The following SLAMF1 variants were observed in gnomAD, a reference collection of about 807,000 sequenced individuals.
SLAMF1 encodes the protein signaling lymphocytic activation molecule.
A neutral mutation model predicts 35.1 loss-of-function variants in SLAMF1; 18 were observed. The observed-to-expected ratio is 0.51, with a 90% CI of 0.35 to 0.76. SLAMF1 has a LOEUF of 0.76. SLAMF1 is among the 30% of genes least tolerant of loss of function. The probability of loss-of-function intolerance (pLI) is 0.01; values close to 1 mark genes in which losing one functional copy is unlikely to be tolerated. For synonymous variants in SLAMF1, 168 were observed against 157.2 expected (o/e 1.07, Z -0.51); for missense variants, 392 against 413.0 (o/e 0.95, Z 0.44).
chr1:160,634,444 A>G, intron 3 of SLAMF1, 169 bp downstream of exon 3: 6 of 972,314 alleles, frequency 6.2e-6, no homozygotes, highest in Non-Finnish European at 7.3e-6. Context: ...CACCCTGGTC[A>G]ATATGAGAGT....
Position 160,634,864 on chromosome 1 carries a change from T to C in SLAMF1, c.449A>G (p.Asn150Ser). 1 of 1,613,356 alleles carries C rather than the reference T, an allele frequency of 6.2e-7. No individual in the cohort carries two copies. The highest frequency in any genetic ancestry group is 8.5e-7 in the Non-Finnish European group (1 of 1,179,418). Reference sequence around the variant, plus strand: ...GCAGGTCCCGTTCTCCTGGGTCTTGTTTAAAACTTTAATTTCTGGAGTGGA... The same window carrying C: ...GCAGGTCCCGTTCTCCTGGGTCTTGCTTAAAACTTTAATTTCTGGAGTGGA... Reference protein sequence around the residue: ...QVSTPEIKVLNKTQENGTCTL... With the variant: ...QVSTPEIKVLSKTQENGTCTL... The change falls in exon 3 of 7, where the codon AAC (asparagine) becomes AGC (serine). Residue 150 changes from asparagine to serine, a missense_variant. Physicochemically the swap from Asn to Ser is conservative, Grantham distance 46. Transcript: ENST00000302035.
rs1459255159 is a variant in SLAMF1 at position 160,642,783 on chromosome 1, C to G, written c.76+4087G>C. ...TTGCCAGCTGAGGACATGGAAGTGC[C>G]TTAAATATAAACCCTAGGTTTCAGG... On this transcript the variant is annotated intron_variant, in intron 1 of 6. Transcript: ENST00000302035. The surrounding 1 kb of genome is among the most constrained non-coding windows in gnomAD (Gnocchi z 4.2). 6.6e-6 allele frequency among the ~76,000 whole-genome samples: 1 copy of G among 152,108 alleles called. No homozygotes were observed. Among genetic ancestry groups the G allele is most frequent in the African/African-American group, 2.4e-5 (1 of 41,390 alleles).
intron 4 of SLAMF1, among the ~76,000 whole-genome samples, chr1:160,622,509 A>G (rs1028488999): frequency 3.3e-5 from 5 of 152,202 alleles, no homozygotes; most frequent in Non-Finnish European, 7.3e-5. Flanking sequence ...TCTCCTGGCC[A>G]TAGCACTTAC....
chr1:160,628,411 C>T (rs1345026565), intron 3 of SLAMF1, among the ~76,000 whole-genome samples: 1 of 152,208 alleles, frequency 6.6e-6, no homozygotes, highest in African/African-American at 2.4e-5. Flanking sequence ...CCTGGGGGGT[C>T]TCCACCTGCC....
At chr1:160,643,817 A>G (rs1178070839) in intron 1 of SLAMF1, among the ~76,000 whole-genome samples, 1 of 152,208 alleles carries the variant, frequency 6.6e-6, no homozygotes, top group Non-Finnish European at 1.5e-5. Context: ...GATTATTGTT[A>G]ACTATAGTCA....
chr1:160,621,298 C>T (rs773476119), intron 4 of SLAMF1, among the ~76,000 whole-genome samples: 8 of 152,096 alleles, frequency 5.3e-5, no homozygotes, highest in African/African-American at 9.7e-5. Context: ...CAGTGGCTCA[C>T]GCCTATAATC....
intron 3 of SLAMF1, among the ~76,000 whole-genome samples, chr1:160,628,416 C>A (rs921166193): frequency 9.2e-5 from 14 of 152,200 alleles, no homozygotes; most frequent in African/African-American, 3.1e-4. Flanking sequence ...GGGGTCTCCA[C>A]CTGCCTTCTA....
intron 2 of SLAMF1, among the ~76,000 whole-genome samples, chr1:160,636,235 T>C (rs370244681): frequency 6.6e-6 from 1 of 152,192 alleles, no homozygotes; most frequent in Non-Finnish European, 1.5e-5. Context: ...CTGCTGGAAA[T>C]GACTCTCAGG....
intron 4 of SLAMF1, among the ~76,000 whole-genome samples, chr1:160,620,665 A>G (rs1659562540): frequency 6.6e-6 from 1 of 152,108 alleles, no homozygotes; most frequent in African/African-American, 2.4e-5. Context: ...AAGAAACCGT[A>G]TTTTTCAATA....
At chr1:160,632,966 A>T (rs905800021) in intron 3 of SLAMF1, among the ~76,000 whole-genome samples, 3 of 151,980 alleles carry the variant, frequency 2.0e-5, no homozygotes, top group African/African-American at 7.3e-5. Context: ...TATCAATATT[A>T]TTTTGTTGCT....
chr1:160,631,642 C>T (rs1660168941), intron 3 of SLAMF1, among the ~76,000 whole-genome samples: 1 of 151,926 alleles, frequency 6.6e-6, no homozygotes, highest in African/African-American at 2.4e-5. Flanking sequence ...GAAATCTGGA[C>T]ACACAAAGAG....
intron 1 of SLAMF1, among the ~76,000 whole-genome samples, chr1:160,645,941 G>A (rs946174824): frequency 6.6e-6 from 1 of 152,048 alleles, no homozygotes; most frequent in African/African-American, 2.4e-5. Flanking sequence ...TTCCCCCCGT[G>A]TCCGTAATGC....
intron 4 of SLAMF1, among the ~76,000 whole-genome samples, chr1:160,621,679 G>T (rs921355578): frequency 1.3e-5 from 2 of 152,074 alleles, no homozygotes; most frequent in Non-Finnish European, 2.9e-5. Context: ...GGAATGTGCT[G>T]CGTGAGGGTG....
chr1:160,636,040 T>C (rs1358099604), intron 2 of SLAMF1, among the ~76,000 whole-genome samples: 9 of 152,202 alleles, frequency 5.9e-5, no homozygotes, highest in Admixed American at 5.9e-4. Flanking sequence ...ATCCAAACTC[T>C]TCCTTTGGCT....
intron 3 of SLAMF1, among the ~76,000 whole-genome samples, chr1:160,633,692 G>C (rs1314960094): frequency 6.6e-6 from 1 of 152,196 alleles, no homozygotes; most frequent in Non-Finnish European, 1.5e-5. Context: ...TAGTGAAAAG[G>C]GCCTGTGTTC....
chr1:160,625,238 G>A (rs577923631), intron 3 of SLAMF1, among the ~76,000 whole-genome samples: 39 of 152,210 alleles, frequency 2.6e-4, no homozygotes, highest in African/African-American at 8.9e-4. Flanking sequence ...TAGAATATTC[G>A]CACTAAGGTT....
At chr1:160,646,040 C>A (rs1661024652) in intron 1 of SLAMF1, among the ~76,000 whole-genome samples, 1 of 152,116 alleles carries the variant, frequency 6.6e-6, no homozygotes, top group South Asian at 2.1e-4. Context: ...GTCCAAAGTC[C>A]ACTTCTTGCT....
In SLAMF1 at chr1:160,608,916, T is replaced by A. The variant is rs1222137681; in HGVS notation, c.*1832A>T. On this transcript the variant is annotated 3_prime_UTR_variant, in exon 7 of 7. Coordinates refer to ENST00000302035, the MANE Select transcript of SLAMF1 (RefSeq NM_003037.5). ...GTAGAATTCCTTAATTCATAAGAAG[T>A]GAAAGTGGAAAATGCCAGATATTCA... The A allele has an allele frequency of 1.3e-5, 2 of 152,074 alleles. No individual in the cohort carries two copies. Among genetic ancestry groups the A allele is most frequent in the Non-Finnish European group, 2.9e-5 (2 of 68,014 alleles). 9.4% of individuals were successfully genotyped at this position (152,074 alleles called of 1,614,324 possible).
intron 1 of SLAMF1, among the ~76,000 whole-genome samples, chr1:160,637,882 G>C (rs181963109): frequency 1.3e-5 from 2 of 152,244 alleles, no homozygotes; most frequent in Admixed American, 6.5e-5. Context: ...ATTCAGTTCT[G>C]CTAATTCCTC....
Sources: gnomAD v4.1 joint callset for allele counts (sites outside exome capture counted in the v4.1 genomes callset) on GRCh38, gnomAD v4.1.1 for gene constraint, Gnocchi (gnomAD v3.1) non-coding constraint, MANE v1.5 for transcripts, NCBI Gene and HGNC (gene_info 2026-07-23, HGNC 2026-07-21) for gene names.